Variants in MACROD2 observed in about 807,000 individuals in gnomAD.
The protein encoded by MACROD2 is ADP-ribose glycohydrolase MACROD2.
Under a neutral mutation model 70.4 loss-of-function variants are expected in MACROD2, and 36 were observed. That is an observed-to-expected ratio of 0.51 (90% CI 0.39 to 0.68). The LOEUF (loss-of-function observed/expected upper bound fraction) is 0.68. MACROD2 is among the 30% of genes least tolerant of loss of function. The pLI is 0.00. For missense variants in MACROD2, 496 were observed against 538.4 expected (o/e 0.92, Z 0.78); for synonymous variants, 172 against 178.8 (o/e 0.96, Z 0.30).
intron 5 of MACROD2, among the ~76,000 whole-genome samples, chr20:15,145,388 T>C (rs1420501171): frequency 6.6e-6 from 1 of 152,092 alleles, no homozygotes; most frequent in South Asian, 2.1e-4. Flanking sequence ...AAAAGGCATG[T>C]TTTTCATACG....
intron 8 of MACROD2, among the ~76,000 whole-genome samples, chr20:15,830,066 C>T (rs1248516103): frequency 6.6e-6 from 1 of 152,138 alleles, no homozygotes; most frequent in African/African-American, 2.4e-5. Context: ...GGAAAGGTGC[C>T]AGACAATTAA....
At chr20:15,273,843 T>C (rs564608532) in intron 6 of MACROD2, among the ~76,000 whole-genome samples, 8 of 152,312 alleles carry the variant, frequency 5.3e-5, no homozygotes, top group African/African-American at 1.9e-4. Context: ...CTGTGGACAA[T>C]GTATTTCATT....
At chr20:15,053,565 A>T (rs1003130942) in intron 5 of MACROD2, among the ~76,000 whole-genome samples, 1 of 152,138 alleles carries the variant, frequency 6.6e-6, no homozygotes, top group Admixed American at 6.5e-5. Flanking sequence ...CCTACTGCTG[A>T]TTAAAAAAAA....
At chr20:15,590,670 G>A (rs548337023) in intron 8 of MACROD2, among the ~76,000 whole-genome samples, 1 of 152,148 alleles carries the variant, frequency 6.6e-6, no homozygotes, top group East Asian at 1.9e-4. Flanking sequence ...ATCACTTGAG[G>A]CCATGAGTTT....
chr20:14,161,468 G>T (rs1033727633), intron 3 of MACROD2, among the ~76,000 whole-genome samples: 1 of 151,842 alleles, frequency 6.6e-6, no homozygotes, highest in South Asian at 2.1e-4. Flanking sequence ...TTACAGGCAT[G>T]AGCCACTGCG....
chr20:15,297,929 A>C (rs2077606432), intron 6 of MACROD2, among the ~76,000 whole-genome samples: 1 of 152,192 alleles, frequency 6.6e-6, no homozygotes, highest in African/African-American at 2.4e-5. Context: ...CCCACAAATT[A>C]AGGGAACACA....
intron 4 of MACROD2, among the ~76,000 whole-genome samples, chr20:14,583,242 TTA>T (rs1346885920): frequency 6.6e-6 from 1 of 152,184 alleles, no homozygotes; most frequent in Non-Finnish European, 1.5e-5. Flanking sequence ...TGGCCTTCTT[TTA>T]TGTTGCTGGA....
At chr20:15,703,207 G>C (rs2050485517) in intron 8 of MACROD2, among the ~76,000 whole-genome samples, 2 of 152,168 alleles carry the variant, frequency 1.3e-5, no homozygotes, top group Admixed American at 6.5e-5. Flanking sequence ...AAACCTAGGA[G>C]ATACCCTTCT....
intron 5 of MACROD2, among the ~76,000 whole-genome samples, chr20:15,152,850 G>A (rs570473822): frequency 5.8e-4 from 88 of 152,112 alleles, no homozygotes; most frequent in African/African-American, 2.0e-3. Context: ...TTGGGTCCAC[G>A]GATAAAACGT....
intron 3 of MACROD2, among the ~76,000 whole-genome samples, chr20:14,424,839 A>G (rs890029853): frequency 2.0e-5 from 3 of 152,250 alleles, no homozygotes; most frequent in Non-Finnish European, 4.4e-5. Context: ...ATGTAAATCT[A>G]TAATAAATTG....
chr20:15,446,670 A>AG (rs1254717920), intron 7 of MACROD2, among the ~76,000 whole-genome samples: 2 of 152,202 alleles, frequency 1.3e-5, no homozygotes, highest in Non-Finnish European at 2.9e-5. Context: ...CCGGCAGCTC[A>AG]GGGGCTCCAA....
intron 8 of MACROD2, among the ~76,000 whole-genome samples, chr20:15,573,201 T>C (rs2048398756): frequency 1.3e-5 from 2 of 152,306 alleles, no homozygotes; most frequent in South Asian, 2.1e-4. Context: ...TTTTCCCATG[T>C]CGTTTTAAAC....
intron 3 of MACROD2, among the ~76,000 whole-genome samples, chr20:14,200,962 A>G (rs1173407888): frequency 1.3e-5 from 1 of 79,544 alleles, no homozygotes; most frequent in Admixed American, 1.2e-4. Flanking sequence ...TTTTTTTTTT[A>G]GCGATTTGTC....
At chr20:15,686,728 C>T (rs896306509) in intron 8 of MACROD2, among the ~76,000 whole-genome samples, 8 of 152,008 alleles carry the variant, frequency 5.3e-5, no homozygotes, top group Non-Finnish European at 1.2e-4. Flanking sequence ...CAAAAATTAG[C>T]CAGGCGTGGT....
At chr20:14,829,359 T>C (rs2072938484) in intron 5 of MACROD2, among the ~76,000 whole-genome samples, 1 of 151,838 alleles carries the variant, frequency 6.6e-6, no homozygotes, top group African/African-American at 2.4e-5. Flanking sequence ...CTCAATCTCC[T>C]GACCTCGTGA....
chr20:15,080,266 G>A (rs528080177), intron 5 of MACROD2, among the ~76,000 whole-genome samples: 6 of 151,996 alleles, frequency 3.9e-5, no homozygotes, highest in Non-Finnish European at 8.8e-5. Context: ...CACAACCATT[G>A]TCTCTCAAAC....
At position 14,522,466 on chromosome 20, in the gene MACROD2, C is replaced by G. The variant is rs956269945; in HGVS notation, c.301+28958C>G. On this transcript the variant is annotated intron_variant, in intron 4 of 17. Transcript: ENST00000684519. ...AGTTCTTCCTCCGGGTTTGAGAGGCCTGTAGCCATGTATACAGAAACTATC... is the reference window on the plus strand; with the variant it reads ...AGTTCTTCCTCCGGGTTTGAGAGGCGTGTAGCCATGTATACAGAAACTATC... Among the ~76,000 whole-genome samples, 6 of 152,198 alleles carry G rather than the reference C, an allele frequency of 3.9e-5. 1 individual carries two copies. The highest frequency in any genetic ancestry group is 1.3e-4 in the Admixed American group (2 of 15,284).
chr20:15,085,742 A>G (rs2075741981), intron 5 of MACROD2, among the ~76,000 whole-genome samples: 2 of 152,056 alleles, frequency 1.3e-5, no homozygotes, highest in African/African-American at 4.8e-5. Context: ...ACTTTTCAAT[A>G]TATTAGAATA....
intron 5 of MACROD2, among the ~76,000 whole-genome samples, chr20:14,810,904 G>A (rs1396824175): frequency 1.3e-5 from 2 of 151,972 alleles, no homozygotes; most frequent in Non-Finnish European, 2.9e-5. Flanking sequence ...CCTCTTCAAG[G>A]AGAACTACAA....
Sources: allele counts gnomAD v4.1 joint callset (sites outside exome capture counted in the v4.1 genomes callset), GRCh38; gene constraint gnomAD v4.1.1; transcripts MANE v1.5; gene names NCBI Gene and HGNC (gene_info 2026-07-23, HGNC 2026-07-21).